Variants in SH3D19 observed in about 807,000 individuals in gnomAD.
SH3D19 encodes SH3 domain containing 19.
A neutral mutation model predicts 112.1 loss-of-function variants in SH3D19; 58 were observed. That is an observed-to-expected ratio of 0.52 (90% CI 0.42 to 0.64). SH3D19 has a LOEUF of 0.64. Ranked by LOEUF, SH3D19 falls within the 30% of genes least tolerant of loss-of-function variation. The probability of loss-of-function intolerance (pLI) is 0.00; values close to 1 mark genes in which losing one functional copy is unlikely to be tolerated. For synonymous variants in SH3D19, 391 were observed against 448.5 expected (o/e 0.87, Z 1.62); for missense variants, 1,090 against 1,263.4 (o/e 0.86, Z 2.08).
intron 1 of SH3D19, among the ~76,000 whole-genome samples, chr4:151,264,170 C>T (rs966305916): frequency 5.9e-5 from 9 of 152,060 alleles, no homozygotes; most frequent in South Asian, 2.1e-4. Flanking sequence ...GGCTCACTCA[C>T]GTCTGTAATC....
At chr4:151,149,431 C>T in intron 10 of SH3D19, 69 bp downstream of exon 10, 1 of 1,280,218 alleles carries the variant, frequency 7.8e-7, no homozygotes, top group South Asian at 1.3e-5. Flanking sequence ...AACACTCAAT[C>T]TTGGTGATAA....
intron 1 of SH3D19, among the ~76,000 whole-genome samples, chr4:151,234,737 T>TG (rs1769890380): frequency 5.2e-4 from 2 of 3,824 alleles, no homozygotes; most frequent in African/African-American, 1.6e-3. Flanking sequence ...AAGTTTGTGT[T>TG]TTTTTTTTTT....
intron 14 of SH3D19, among the ~76,000 whole-genome samples, 174 bp from the exon 15 acceptor site, chr4:151,135,306 T>G (rs978728941): frequency 6.7e-6 from 1 of 150,250 alleles, no homozygotes; most frequent in Admixed American, 6.7e-5. Context: ...GAATTTGGAT[T>G]AAAAAAAAAG....
intron 1 of SH3D19, among the ~76,000 whole-genome samples, chr4:151,255,249 AGGGGCTCCTCACTTCTCAGACGGGGCG>A (rs1305842918): frequency 6.3e-5 from 9 of 142,962 alleles, no homozygotes; most frequent in African/African-American, 2.4e-4. Context: ...TGCCGGGCGG[AGGGGCTCCTCACTTCTCAGACGGGGCG>A]GTTGCCGGGC....
chr4:151,205,069 C>T (rs1450840259), intron 2 of SH3D19, among the ~76,000 whole-genome samples: 1 of 152,140 alleles, frequency 6.6e-6, no homozygotes, highest in African/African-American at 2.4e-5. Flanking sequence ...GATCCACCCA[C>T]CTCAGCCTCC....
intron 19 of SH3D19, among the ~76,000 whole-genome samples, chr4:151,126,466 G>A (rs1749346476): frequency 6.6e-6 from 1 of 152,056 alleles, no homozygotes; most frequent in South Asian, 2.1e-4. Context: ...CTCTGACTAT[G>A]GTCCAGTTGT....
chr4:151,170,682 C>T (rs1025562336), intron 7 of SH3D19: 15 of 152,048 alleles, frequency 9.9e-5, no homozygotes, highest in Admixed American at 5.9e-4. Flanking sequence ...GTGGCAAAGA[C>T]GACAAGAGAT....
intron 19 of SH3D19, among the ~76,000 whole-genome samples, chr4:151,126,453 T>G (rs1358258724): frequency 6.6e-6 from 1 of 152,144 alleles, no homozygotes; most frequent in East Asian, 1.9e-4. Flanking sequence ...CCAAAGTGCT[T>G]TCCTCTGACT....
At chr4:151,302,027 G>C (rs1424659975) in intron 1 of SH3D19, among the ~76,000 whole-genome samples, 1 of 152,178 alleles carries the variant, frequency 6.6e-6, no homozygotes, top group Non-Finnish European at 1.5e-5. Context: ...TGACTTTGTT[G>C]TTCCCAATGA....
chr4:151,226,508 A>C (rs1023355637), intron 1 of SH3D19: 2 of 985,040 alleles, frequency 2.0e-6, no homozygotes, highest in African/African-American at 1.7e-5. Flanking sequence ...GGGAAAAATG[A>C]GCAGTCAGCT....
chr4:151,187,491 C>T (rs918359773), intron 2 of SH3D19, 28 bp from the exon 3 acceptor site: 8 of 1,209,060 alleles, frequency 6.6e-6, no homozygotes, highest in Non-Finnish European at 8.3e-6. Flanking sequence ...ACTTATTATA[C>T]ATTCATTAAT....
chr4:151,257,054 T>A (rs1312658286), intron 1 of SH3D19, among the ~76,000 whole-genome samples: 1 of 151,628 alleles, frequency 6.6e-6, no homozygotes, highest in Non-Finnish European at 1.5e-5. Flanking sequence ...TCTAGTTAAT[T>A]TCTTTTCTTC....
chr4:151,251,609 C>T (rs1387165539), intron 1 of SH3D19, among the ~76,000 whole-genome samples: 2 of 152,142 alleles, frequency 1.3e-5, no homozygotes, highest in African/African-American at 4.8e-5. Context: ...CTCTACACCC[C>T]CTTCATTGCT....
intron 13 of SH3D19, 62 bp from the exon 14 acceptor site, chr4:151,137,924 A>G: frequency 7.0e-7 from 1 of 1,430,996 alleles, no homozygotes; most frequent in Non-Finnish European, 9.4e-7. Context: ...TGATAAAAGC[A>G]CAAAGTAGCA....
intron 1 of SH3D19, chr4:151,291,429 G>A (rs930140720): frequency 6.2e-7 from 1 of 1,612,800 alleles, no homozygotes; most frequent in Non-Finnish European, 8.5e-7. Context: ...AGAATGCATG[G>A]AGATTTAGTC....
intron 7 of SH3D19, among the ~76,000 whole-genome samples, chr4:151,166,523 G>T (rs1424036998): frequency 2.0e-5 from 3 of 150,536 alleles, no homozygotes; most frequent in African/African-American, 7.4e-5. Context: ...AAATCTACAA[G>T]TAAAAATATT....
intron 1 of SH3D19, among the ~76,000 whole-genome samples, chr4:151,286,928 C>T (rs1400713242): frequency 2.0e-5 from 3 of 151,088 alleles, no homozygotes; most frequent in Non-Finnish European, 3.0e-5. Context: ...TACAGTGAGC[C>T]GAGATCGCGC....
rs1747903604 is a variant in SH3D19, at chr4:151,120,988, A to C, written c.*1103T>G. On this transcript the variant is annotated 3_prime_UTR_variant, in exon 20 of 20. Coordinates refer to ENST00000604030, the MANE Select transcript of SH3D19 (RefSeq NM_001378122.1). ...CTTTTATCTTAAGCTTAGAATTTATAACAATGGAAAGCAGGAAAGTGGTTT... is the reference window on the plus strand; with the variant it reads ...CTTTTATCTTAAGCTTAGAATTTATCACAATGGAAAGCAGGAAAGTGGTTT... 1 of 152,678 alleles carries C rather than the reference A, an allele frequency of 6.5e-6. No homozygotes were observed. Among genetic ancestry groups the C allele is most frequent in the Non-Finnish European group, 1.5e-5 (1 of 68,042 alleles). 9.5% of individuals were successfully genotyped at this position (152,678 alleles called of 1,614,324 possible). A position where few individuals can be genotyped will look rare whatever the true frequency, so the allele number is the denominator to read the frequency against.
At chr4:151,301,517 G>A (rs140460494) in intron 1 of SH3D19, among the ~76,000 whole-genome samples, 41 of 152,132 alleles carry the variant, frequency 2.7e-4, no homozygotes, top group Middle Eastern at 3.4e-3. Context: ...GTGAGCCACC[G>A]CGCCTGGCCA....
Sources: allele counts gnomAD v4.1 joint callset (sites outside exome capture counted in the v4.1 genomes callset), GRCh38; gene constraint gnomAD v4.1.1; transcripts MANE v1.5; gene names NCBI Gene and HGNC (gene_info 2026-07-23, HGNC 2026-07-21).